The following TC2N variants were observed in gnomAD, a reference collection of about 807,000 sequenced individuals.
The protein encoded by TC2N is tandem C2 domains nuclear protein.
TC2N carries 51 observed loss-of-function variants against 61.9 expected under a neutral mutation model. The observed-to-expected ratio is 0.82, with a 90% CI of 0.66 to 1.04. The LOEUF (loss-of-function observed/expected upper bound fraction) is 1.04. TC2N is among the 50% of genes least tolerant of loss of function. The pLI, the probability that TC2N is intolerant of heterozygous loss-of-function variation, is 0.00. For missense variants in TC2N, 556 were observed against 566.7 expected, an observed-to-expected ratio of 0.98 and a Z score of 0.19; for synonymous variants, 204 against 192.6, an observed-to-expected ratio of 1.06 and a Z score of -0.49.
chr14:91,796,601 A>G (rs1885910239), intron 8 of TC2N, among the ~76,000 whole-genome samples: 1 of 152,082 alleles, frequency 6.6e-6, no homozygotes, highest in African/African-American at 2.4e-5. Flanking sequence ...GAAGATGGCC[A>G]TGTGAATACA....
rs975077242 is a variant in TC2N at position 91,837,387 on chromosome 14, T to C, written c.-56-23562A>G. Among the ~76,000 whole-genome samples the C allele has an allele frequency of 2.0e-5, 3 of 152,158 alleles. No individual in the cohort carries two copies. The highest frequency in any genetic ancestry group is 4.8e-5 in the African/African-American group (2 of 41,438). ...GGCGCGAGCCAGCATGCCAGGCTAA[T>C]TTTTTAATTTTTTGTAGAGATGAAG... is the stretch of plus-strand genomic sequence containing the variant. On this transcript the variant is annotated intron_variant, in intron 1 of 11. Transcript: ENST00000435962. This position sits in a 1 kb window ranked among gnomAD's most constrained non-coding sequence, Gnocchi z 4.2.
At chr14:91,790,130 C>T (rs1885574028) in intron 9 of TC2N, among the ~76,000 whole-genome samples, 1 of 152,186 alleles carries the variant, frequency 6.6e-6, no homozygotes, top group Admixed American at 6.5e-5. Context: ...CATTAGATCA[C>T]GTAGCATTGA....
intron 1 of TC2N, 65 bp downstream of exon 1, chr14:91,867,197 G>C (rs1287082222): frequency 6.6e-6 from 1 of 152,086 alleles, no homozygotes; most frequent in Non-Finnish European, 1.5e-5. Context: ...GAAACCAGTG[G>C]GTCCTCAAAT....
intron 1 of TC2N, among the ~76,000 whole-genome samples, chr14:91,832,388 C>T (rs1270863489): frequency 4.7e-5 from 1 of 21,086 alleles, no homozygotes; most frequent in South Asian, 2.6e-3. Flanking sequence ...AAAACTCCGT[C>T]TCAAAAAAAA....
At chr14:91,847,280 G>T (rs1232949972) in intron 1 of TC2N, among the ~76,000 whole-genome samples, 1 of 149,600 alleles carries the variant, frequency 6.7e-6, no homozygotes, top group Non-Finnish European at 1.5e-5. Flanking sequence ...AAAAGGAAAT[G>T]TTTTAGTTTC....
Position 91,812,535 on chromosome 14 carries a change from T to C in TC2N, c.78A>G (p.Glu26=). ...TTGGGACTGCTGCTTTAAAATCTCTTTCCACAGAAACTGCATATAAAAGAA... is the reference window on the plus strand; with the variant it reads ...TTGGGACTGCTGCTTTAAAATCTCTCTCCACAGAAACTGCATATAAAAGAA... ...GETEKHNFSV[E]RDFKAAVPNS... The change falls in exon 3 of 12, where the codon GAA becomes GAG. Residue 26 remains glutamate, a synonymous_variant. Transcript: ENST00000435962. 1 of 1,568,652 alleles carries C rather than the reference T, an allele frequency of 6.4e-7. No homozygotes were observed. The highest frequency in any genetic ancestry group is 1.2e-5 in the South Asian group (1 of 86,220).
chr14:91,810,124 G>A (rs557849232), intron 3 of TC2N, among the ~76,000 whole-genome samples: 9 of 152,254 alleles, frequency 5.9e-5, no homozygotes, highest in African/African-American at 1.9e-4. Context: ...CACATCACAC[G>A]GCAACAGCAG....
intron 1 of TC2N, among the ~76,000 whole-genome samples, chr14:91,843,958 A>G (rs1438306107): frequency 1.3e-5 from 2 of 152,120 alleles, no homozygotes; most frequent in Non-Finnish European, 2.9e-5. Context: ...TAGCTTATGA[A>G]GGGACTAATG....
rs529806252 is a variant in TC2N, at chr14:91,867,065, C to A, written c.-57+197G>T. Among the ~76,000 whole-genome samples the A allele has an allele frequency of 4.5e-4, 61 of 136,728 alleles. 1 individual carries two copies. In the South Asian group the frequency reaches 0.014, roughly 32 times the overall value. The allele number at this position is 136,728 out of a possible 152,430, so 89.7% of individuals were successfully genotyped here. On this transcript the variant is annotated intron_variant, in intron 1 of 11. Transcript: ENST00000435962. ...AAGCGCAATTTGAGGTCCAAGAAGC[C>A]CTTGGAGGCTGCTTTTATGAGCCTG... is the stretch of plus-strand genomic sequence containing the variant.
intron 8 of TC2N, among the ~76,000 whole-genome samples, chr14:91,794,638 C>T (rs1202761093): frequency 6.6e-6 from 1 of 151,912 alleles, no homozygotes; most frequent in African/African-American, 2.4e-5. Context: ...TTTAAGTCTA[C>T]TATTGAGATC....
Position 91,792,445 on chromosome 14 carries a change from T to A in TC2N, c.969A>T (p.Glu323Asp). The A allele has an allele frequency of 6.2e-7, 1 of 1,611,302 alleles. No homozygotes were observed. The highest frequency in any genetic ancestry group is 8.5e-7 in the Non-Finnish European group (1 of 1,178,152). ...TAAGGGTTCTGAGTGACATTGAGCA[T>A]TCTCCAATGGTTTTCTTCCTGGGAG... ...TQTPRKKTIGECSMSLRTLST... is the reference protein window; with the variant it reads ...TQTPRKKTIGDCSMSLRTLST... Residue 323 changes from glutamate to aspartate, a missense_variant, in exon 9 of 12, where the codon GAA becomes GAT. By Grantham distance (45) the Glu-to-Asp change is conservative (BLOSUM62 2). Transcript: ENST00000435962.
chr14:91,819,423 G>A (rs1461572344), intron 1 of TC2N, among the ~76,000 whole-genome samples: 2 of 151,834 alleles, frequency 1.3e-5, no homozygotes, highest in Non-Finnish European at 2.9e-5. Flanking sequence ...TGTACTGAAA[G>A]AAAAAAACCC....
rs78645707 is a variant in TC2N, at chr14:91,810,558, T to C, written c.301+1754A>G. ...CAAAGAAACAGGAAAATGTGATCTA[T>C]TTTCAAGAAAAAAGACAATCCACAG... On this transcript the variant is annotated intron_variant, in intron 3 of 11. Coordinates refer to ENST00000435962, the MANE Select transcript of TC2N (RefSeq NM_001128596.3). 5.7e-3 allele frequency among the ~76,000 whole-genome samples: 866 copies of C among 152,180 alleles called. 47 individuals carry two copies. In the East Asian group the frequency reaches 0.13, roughly 23 times the overall value.
At chr14:91,844,905 G>A (rs904732017) in intron 1 of TC2N, among the ~76,000 whole-genome samples, 3 of 151,698 alleles carry the variant, frequency 2.0e-5, no homozygotes, top group Middle Eastern at 3.2e-3. Flanking sequence ...GACCTACTAC[G>A]TGCCAAACAC....
chr14:91,858,152 C>CTTTTTT (rs56379239), intron 1 of TC2N, among the ~76,000 whole-genome samples: 1 of 92,330 alleles, frequency 1.1e-5, no homozygotes, highest in African/African-American at 4.0e-5. Context: ...TCTTCTTCTT[C>CTTTTTT]TTTTTTTTTT....
intron 1 of TC2N, among the ~76,000 whole-genome samples, chr14:91,861,326 T>C (rs1426801775): frequency 1.3e-5 from 2 of 152,176 alleles, no homozygotes; most frequent in Non-Finnish European, 2.9e-5. Flanking sequence ...CAAAAAGCTA[T>C]GGCTTTGCTC....
intron 1 of TC2N, among the ~76,000 whole-genome samples, chr14:91,860,448 G>T (rs1478304044): frequency 2.6e-5 from 4 of 152,108 alleles, no homozygotes; most frequent in Admixed American, 2.6e-4. Context: ...TTTAAAAAGG[G>T]GATTCAGCAT....
chr14:91,796,807 G>T (rs1358780818), intron 8 of TC2N, among the ~76,000 whole-genome samples: 1 of 152,072 alleles, frequency 6.6e-6, no homozygotes, highest in African/African-American at 2.4e-5. Flanking sequence ...AGAAAATTCT[G>T]TTGCTGTAAG....
In TC2N at chr14:91,831,602, A is replaced by G. The variant is rs146088783; in HGVS notation, c.-56-17777T>C. Among the ~76,000 whole-genome samples, 245 of 152,332 alleles carry G rather than the reference A, an allele frequency of 1.6e-3. 2 individuals are homozygous for G. The highest frequency in any genetic ancestry group is 0.011 in the East Asian group (58 of 5,192). On this transcript the variant is annotated intron_variant, in intron 1 of 11. Coordinates refer to ENST00000435962, the MANE Select transcript of TC2N (RefSeq NM_001128596.3). ...GAAACTTGATCTATGATACTTGTAG[A>G]TCACTGAAATGAAAAACAGAATATT...
Sources: gnomAD v4.1 joint callset for allele counts (sites outside exome capture counted in the v4.1 genomes callset) on GRCh38, gnomAD v4.1.1 for gene constraint, Gnocchi (gnomAD v3.1) non-coding constraint, MANE v1.5 for transcripts, NCBI Gene and HGNC (gene_info 2026-07-23, HGNC 2026-07-21) for gene names.